The following ANGPT4 variants were observed in gnomAD, a reference collection of about 807,000 sequenced individuals.
The protein encoded by ANGPT4 is angiopoietin-4.
Under a neutral mutation model 53.0 loss-of-function variants are expected in ANGPT4, and 50 were observed. That is an observed-to-expected ratio of 0.94 (90% confidence interval 0.75 to 1.20). The LOEUF (loss-of-function observed/expected upper bound fraction) is 1.20, where lower values mean the gene tolerates loss of function less well. Among genes scored for constraint, ANGPT4 ranks in the 50% most tolerant of loss-of-function variants. ANGPT4 has a pLI of 0.00. For synonymous variants in ANGPT4, 251 were observed against 259.7 expected, an observed-to-expected ratio of 0.97 and a Z score of 0.32; for missense variants, 648 against 637.1, an observed-to-expected ratio of 1.02 and a Z score of -0.18.
In ANGPT4 at chr20:908,616, C is replaced by T. The variant is rs1982573866; in HGVS notation, c.309+7290G>A. 6.6e-6 allele frequency among the ~76,000 whole-genome samples: 1 copy of T among 152,224 alleles called. No individual in the cohort carries two copies. The highest frequency in any genetic ancestry group is 2.4e-5 in the African/African-American group (1 of 41,452). ...TCCAGGGGCAAGGGGGAAGGATGGT[C>T]TTCCTTGCTCACTACTAAATCCTTG... is the stretch of plus-strand genomic sequence containing the variant. On this transcript the variant is annotated intron_variant, in intron 1 of 8. Transcript: ENST00000381922. This position sits in a 1 kb window ranked among gnomAD's most constrained non-coding sequence, Gnocchi z 4.9.
At chr20:913,841 G>A (rs568484122) in intron 1 of ANGPT4, among the ~76,000 whole-genome samples, 19 of 152,338 alleles carry the variant, frequency 1.2e-4, no homozygotes, top group African/African-American at 4.1e-4. Flanking sequence ...AAGCCCCCAG[G>A]GCACAGCCTG....
chr20:874,008 C>G lies in ANGPT4; in HGVS notation c.1351+276G>C, dbSNP rs74970872. Among the ~76,000 whole-genome samples, 28 of 152,278 alleles carry G rather than the reference C, an allele frequency of 1.8e-4. No homozygotes were observed. In the East Asian group the frequency reaches 1.9e-3, roughly 11 times the overall value. ...CTGATAGGGTATAGGGTGCCTCCCC[C>G]CCGGGGCCCTGCACTCAGTGTTTCT... On this transcript the variant is annotated intron_variant, in intron 8 of 8. Coordinates refer to ENST00000381922, the MANE Select transcript of ANGPT4 (RefSeq NM_015985.4).
Position 885,156 on chromosome 20 carries a change from C to T in ANGPT4, c.757G>A (p.Asp253Asn), listed in dbSNP as rs1244319203. Residue 253 changes from aspartate to asparagine, a missense_variant, in exon 4 of 9, where the codon GAC (aspartate) becomes AAC (asparagine). Coordinates refer to ENST00000381922, the MANE Select transcript of ANGPT4 (RefSeq NM_015985.4). ...AGCTGGCGCAGGCTGTGCTGCTGGT[C>T]CTGCAGGAGGCTGGAGTTGTGCCTG... ...GVRHNSSLLQ[D>N]QQHSLRQLLV... 12 of 1,610,732 alleles carry T rather than the reference C, an allele frequency of 7.5e-6. No individual in the cohort carries two copies. In the South Asian group the frequency reaches 1.2e-4, roughly 16 times the overall value.
intron 1 of ANGPT4, among the ~76,000 whole-genome samples, chr20:915,229 C>T (rs910052252): frequency 2.0e-5 from 3 of 151,960 alleles, no homozygotes; most frequent in Admixed American, 6.5e-5. Flanking sequence ...CAGTGGCCCC[C>T]CCCCCAGCTG....
At chr20:873,526 A>C (rs1981036613) in intron 8 of ANGPT4, among the ~76,000 whole-genome samples, 1 of 148,688 alleles carries the variant, frequency 6.7e-6, no homozygotes, top group African/African-American at 2.5e-5. Flanking sequence ...TTTCTCTCTT[A>C]TGGTCTCTGT....
At position 908,112 on chromosome 20, in the gene ANGPT4, A is replaced by T. The variant is rs554172103; in HGVS notation, c.309+7794T>A. On this transcript the variant is annotated intron_variant, in intron 1 of 8. Transcript: ENST00000381922. This position sits in a 1 kb window ranked among gnomAD's most constrained non-coding sequence, Gnocchi z 4.9. ...GTGACAGGGATAAGATTAGGGTCAG[A>T]CAAAGATGGTGGAAGCTGGCTCAGA... 4.9e-4 allele frequency among the ~76,000 whole-genome samples: 75 copies of T among 152,280 alleles called. No individual in the cohort carries two copies. Among genetic ancestry groups the T allele is most frequent in the Admixed American group, 4.9e-3 (75 of 15,302 alleles).
chr20:915,988 G>C lies in ANGPT4; in HGVS notation c.227C>G (p.Pro76Arg). The change falls in exon 1 of 9, where the codon CCA (proline) becomes CGA (arginine). Residue 76 changes from proline (P) to arginine (R), a missense_variant. By Grantham distance (103) the Pro-to-Arg change is moderately radical (BLOSUM62 -2). Coordinates refer to ENST00000381922, the MANE Select transcript of ANGPT4 (RefSeq NM_015985.4). ...GGTGGGCAACTTCCCCAGGTGCAGT[G>C]GGTTGGCCAGTGATTCTCTCTGGAG... ...NTLQRESLANPLHLGKLPTQQ... is the reference protein window; with the variant it reads ...NTLQRESLANRLHLGKLPTQQ... 6.2e-7 allele frequency: 1 copy of C among 1,613,274 alleles called. No homozygotes were observed. The highest frequency in any genetic ancestry group is 8.5e-7 in the Non-Finnish European group (1 of 1,179,296).
At chr20:886,496 C>T (rs1208299189) in intron 3 of ANGPT4, among the ~76,000 whole-genome samples, 1 of 152,188 alleles carries the variant, frequency 6.6e-6, no homozygotes, top group Non-Finnish European at 1.5e-5. Flanking sequence ...TGGGAATGTA[C>T]AGATGCTCCA....
chr20:880,543 A>G (rs1476231468), intron 5 of ANGPT4, among the ~76,000 whole-genome samples: 1 of 151,998 alleles, frequency 6.6e-6, no homozygotes, highest in Non-Finnish European at 1.5e-5. Flanking sequence ...AGCTGTGATC[A>G]TGCCATTGCA....
intron 7 of ANGPT4, among the ~76,000 whole-genome samples, chr20:877,568 G>A (rs1981218270): frequency 6.6e-6 from 1 of 152,168 alleles, no homozygotes; most frequent in Non-Finnish European, 1.5e-5. Context: ...TGGAATAATG[G>A]TGCCTGGAAC....
chr20:881,115 G>T lies in ANGPT4; in HGVS notation c.951+56C>A. The T allele has an allele frequency of 1.5e-6, 2 of 1,356,514 alleles. 1 individual carries two copies. Among genetic ancestry groups the T allele is most frequent in the South Asian group, 2.9e-5 (2 of 68,860 alleles). 84.0% of individuals were successfully genotyped at this position (1,356,514 alleles called of 1,614,324 possible). The stretch of plus-strand genomic sequence containing the variant: ...CGATGGGGTGCGGGGTGTCTGTTTG[G>T]GAAGCCCTTGGCTCAGCACCCTCTA... On this transcript the variant is annotated intron_variant, in intron 5 of 8. Coordinates refer to ENST00000381922, the MANE Select transcript of ANGPT4 (RefSeq NM_015985.4).
At chr20:906,949 A>T (rs1012797590) in intron 1 of ANGPT4, among the ~76,000 whole-genome samples, 1 of 152,222 alleles carries the variant, frequency 6.6e-6, no homozygotes. Flanking sequence ...TCTTTGACAC[A>T]GGCCCAGCGT....
intron 1 of ANGPT4, among the ~76,000 whole-genome samples, chr20:904,338 C>T (rs1982398850): frequency 6.6e-6 from 1 of 152,192 alleles, no homozygotes; most frequent in South Asian, 2.1e-4. Context: ...CTTGCCATTC[C>T]ACACCTGGCT....
Position 886,145 on chromosome 20 carries a change from AGAG to A in ANGPT4, c.588-823_588-821del, listed in dbSNP as rs1168724006. ...TTTTTTGTAATGGATTTAGAAGCAA[AGAG>A]GAGTTTTTCAAAAGAAAGCCTTAGA... On this transcript the variant is annotated intron_variant, in intron 3 of 8. Transcript: ENST00000381922. Among the ~76,000 whole-genome samples, 6 of 152,214 alleles carry A rather than the reference AGAG, an allele frequency of 3.9e-5. No individual in the cohort carries two copies. The East Asian group carries it at 7.7e-4, about 19-fold the overall frequency.
intron 1 of ANGPT4, among the ~76,000 whole-genome samples, chr20:900,159 A>C (rs1222965829): frequency 6.6e-6 from 1 of 152,052 alleles, no homozygotes; most frequent in Non-Finnish European, 1.5e-5. Flanking sequence ...TTTACCTTGT[A>C]TTTCACTCCA....
At position 908,516 on chromosome 20, in the gene ANGPT4, C is replaced by T. The variant is rs1011698515; in HGVS notation, c.309+7390G>A. The stretch of plus-strand genomic sequence containing the variant: ...CCCATTATCCACCCCTAGCATCTCT[C>T]GGTCCCTCCTTCATGGCACATATCA... On this transcript the variant is annotated intron_variant, in intron 1 of 8. Transcript: ENST00000381922. The surrounding 1 kb of genome is among the most constrained non-coding windows in gnomAD (Gnocchi z 4.9). Among the ~76,000 whole-genome samples the T allele has an allele frequency of 4.6e-5, 7 of 152,174 alleles. No individual in the cohort carries two copies. The South Asian group carries it at 6.2e-4, about 13-fold the overall frequency.
intron 2 of ANGPT4, 145 bp from the exon 3 acceptor site, chr20:888,584 A>G (rs1290781991): frequency 2.5e-5 from 34 of 1,346,456 alleles, no homozygotes; most frequent in Non-Finnish European, 3.1e-5. Context: ...TTACTCACTC[A>G]CAGGCCCTGA....
Position 916,033 on chromosome 20 carries a change from A to G in ANGPT4, c.182T>C (p.Val61Ala). Residue 61 changes from valine to alanine, a missense_variant, in exon 1 of 9, where the codon GTC (valine) becomes GCC (alanine). Transcript: ENST00000381922. The stretch of plus-strand genomic sequence containing the variant: ...CTGGAGGGTGTTGGAGTCCCTGGAG[A>G]CCTCAGGCCCCGGAGGGCAGGGCTC... ...KSEPCPPGPE[V>A]SRDSNTLQRE... 2 of 1,614,048 alleles carry G rather than the reference A, an allele frequency of 1.2e-6. No individual in the cohort carries two copies. The highest frequency in any genetic ancestry group is 1.7e-6 in the Non-Finnish European group (2 of 1,179,968).
Position 888,301 on chromosome 20 carries a change from C to T in ANGPT4, c.587+17G>A. The T allele has an allele frequency of 6.2e-7, 1 of 1,609,158 alleles. No homozygotes were observed. Among genetic ancestry groups the T allele is most frequent in the East Asian group, 2.2e-5 (1 of 44,782 alleles). ...CCCCAGCCCCTGTCCTAGTCTGGTG[C>T]CAGGTGCCACACCCACCTGTTTTGG... is the stretch of plus-strand genomic sequence containing the variant. On this transcript the variant is annotated intron_variant, in intron 3 of 8. Transcript: ENST00000381922.
Sources: gnomAD v4.1 joint callset for allele counts (sites outside exome capture counted in the v4.1 genomes callset) on GRCh38, gnomAD v4.1.1 for gene constraint, Gnocchi (gnomAD v3.1) non-coding constraint, MANE v1.5 for transcripts, NCBI Gene and HGNC (gene_info 2026-07-23, HGNC 2026-07-21) for gene names.